Variants in MYO10 observed in about 807,000 individuals in gnomAD.
The protein encoded by MYO10 is unconventional myosin-X.
Under a neutral mutation model 257.3 loss-of-function variants are expected in MYO10, and 133 were observed. That is an observed-to-expected ratio of 0.52 (90% confidence interval 0.45 to 0.60). MYO10 has a LOEUF of 0.60. Among genes scored for constraint, MYO10 ranks in the 20% least tolerant of loss-of-function variants. The pLI is 0.00. For missense variants in MYO10, 2,399 were observed against 2,635.7 expected, an observed-to-expected ratio of 0.91 and a Z score of 1.97; for synonymous variants, 1,104 against 1,028.6, an observed-to-expected ratio of 1.07 and a Z score of -1.40.
intron 19 of MYO10, among the ~76,000 whole-genome samples, chr5:16,746,615 T>G (rs6877929): frequency 0.014 from 2,102 of 152,264 alleles, 39 homozygotes; most frequent in African/African-American, 0.047. Context: ...AATATCACAC[T>G]ACAGATTTAC....
At chr5:16,870,647 C>A (rs950358227) in intron 2 of MYO10, among the ~76,000 whole-genome samples, 2 of 152,142 alleles carry the variant, frequency 1.3e-5, no homozygotes, top group Non-Finnish European at 2.9e-5. Context: ...AATCCCAGCA[C>A]TTTGGGTGGC....
At position 16,840,890 on chromosome 5, in the gene MYO10, C is replaced by CA. The variant is rs34241747; in HGVS notation, c.121-22724dup. ...GTGCAGTGCCTCACACCTGTAATCC[C>CA]AGCACTTTGGGAGGCCAAGGCAGGC... On this transcript the variant is annotated intron_variant, in intron 2 of 40. Coordinates refer to ENST00000513610, the MANE Select transcript of MYO10 (RefSeq NM_012334.3). Among the ~76,000 whole-genome samples, 1,129 of 152,018 alleles carry CA rather than the reference C, an allele frequency of 7.4e-3. 15 individuals carry two copies. Among genetic ancestry groups the CA allele is most frequent in the African/African-American group, 0.025 (1,057 of 41,472 alleles).
intron 1 of MYO10, among the ~76,000 whole-genome samples, chr5:16,881,980 T>C (rs1486618139): frequency 1.3e-5 from 2 of 152,182 alleles, no homozygotes; most frequent in African/African-American, 2.4e-5. Context: ...TATAAGCAGG[T>C]GGAACAAGTT....
rs1158206273 is a variant in MYO10, at chr5:16,763,447, T to C, written c.1494+34A>G. ...TATGAATCAGTCCAGCTGGACCCCC[T>C]TGGGACTGTAACCATTCTTCAAAAA... is the stretch of plus-strand genomic sequence containing the variant. On this transcript the variant is annotated intron_variant, in intron 14 of 40. Coordinates refer to ENST00000513610, the MANE Select transcript of MYO10 (RefSeq NM_012334.3). 1.2e-5 allele frequency: 18 copies of C among 1,547,658 alleles called. No homozygotes were observed. The East Asian group carries it at 3.8e-4, about 33-fold the overall frequency.
chr5:16,673,999 T>C (rs1052831982), intron 35 of MYO10, 110 bp from the exon 36 acceptor site: 15 of 887,838 alleles, frequency 1.7e-5, no homozygotes, highest in African/African-American at 8.3e-5. Flanking sequence ...GGTCCCCCAC[T>C]GGTGAATGGA....
At chr5:16,726,985 G>A (rs573035833) in intron 19 of MYO10, among the ~76,000 whole-genome samples, 15 of 152,304 alleles carry the variant, frequency 9.8e-5, no homozygotes, top group African/African-American at 2.6e-4. Context: ...AATCTCTTGA[G>A]TTAGAGAATA....
chr5:16,672,692 T>C lies in MYO10; in HGVS notation c.5306A>G (p.Glu1769Gly). 6.2e-7 allele frequency: 1 copy of C among 1,614,014 alleles called. No homozygotes were observed. The highest frequency in any genetic ancestry group is 8.5e-7 in the Non-Finnish European group (1 of 1,179,880). ...ACAGTAGGGAAAAGGAACCTACTTTTCAAACTTGGCTAAGACATCAGCTAC... is the reference window on the plus strand; with the variant it reads ...ACAGTAGGGAAAAGGAACCTACTTTCCAAACTTGGCTAAGACATCAGCTAC... ...TVVADVLAKF[E>G]KLAATSEVGD... Residue 1769 changes from glutamate to glycine, a missense_variant, in exon 37 of 41, where the codon GAA becomes GGA. By Grantham distance (98) the Glu-to-Gly change is moderately conservative. Coordinates refer to ENST00000513610, the MANE Select transcript of MYO10 (RefSeq NM_012334.3).
chr5:16,728,104 A>T (rs1739443192), intron 19 of MYO10, among the ~76,000 whole-genome samples: 1 of 152,194 alleles, frequency 6.6e-6, no homozygotes, highest in African/African-American at 2.4e-5. Flanking sequence ...CTCTAGGAAC[A>T]TAGGCCGCCC....
intron 2 of MYO10, among the ~76,000 whole-genome samples, chr5:16,871,095 T>C (rs1044626237): frequency 3.9e-5 from 6 of 152,176 alleles, no homozygotes; most frequent in African/African-American, 1.4e-4. Flanking sequence ...ACAATTACAG[T>C]GTTGTGCAAC....
chr5:16,854,606 T>C (rs1219211059), intron 2 of MYO10, among the ~76,000 whole-genome samples: 1 of 152,202 alleles, frequency 6.6e-6, no homozygotes, highest in Non-Finnish European at 1.5e-5. Context: ...TTTTAAATAA[T>C]GAAAATGTTT....
chr5:16,824,666 A>G (rs1001558130), intron 2 of MYO10, among the ~76,000 whole-genome samples: 5 of 152,192 alleles, frequency 3.3e-5, no homozygotes, highest in African/African-American at 1.2e-4. Flanking sequence ...CAAGAGATTG[A>G]GACCAACTTG....
At position 16,760,122 on chromosome 5, in the gene MYO10, C is replaced by T. The variant is rs575886828; in HGVS notation, c.1739+1342G>A. Reference sequence around the variant, plus strand: ...GAAAGCTTTCAGGAAAGGGTTTTTTCCCTAAACTCTTTCTCTCTTACAAAG... The same window carrying T: ...GAAAGCTTTCAGGAAAGGGTTTTTTTCCTAAACTCTTTCTCTCTTACAAAG... On this transcript the variant is annotated intron_variant, in intron 17 of 40. Coordinates refer to ENST00000513610, the MANE Select transcript of MYO10 (RefSeq NM_012334.3). Among the ~76,000 whole-genome samples the T allele has an allele frequency of 4.3e-4, 65 of 152,000 alleles. No homozygotes were observed. In the South Asian group the frequency reaches 0.012, roughly 29 times the overall value.
intron 2 of MYO10, among the ~76,000 whole-genome samples, chr5:16,852,837 T>C (rs1399189414): frequency 6.6e-6 from 1 of 152,134 alleles, no homozygotes; most frequent in Non-Finnish European, 1.5e-5. Flanking sequence ...ACCCAATAAA[T>C]GCTTGAATTA....
intron 2 of MYO10, among the ~76,000 whole-genome samples, chr5:16,834,006 C>A (rs1743234056): frequency 6.6e-6 from 1 of 152,104 alleles, no homozygotes; most frequent in South Asian, 2.1e-4. Context: ...AATGTGGTTT[C>A]TCTGCCAGGC....
rs1264085764 is a variant in MYO10 at position 16,783,320 on chromosome 5, A to G, written c.602+15T>C. On this transcript the variant is annotated intron_variant, in intron 5 of 40. Transcript: ENST00000513610. ...GTGAATCCTATTAGTTGGAAACAAG[A>G]AAATCAATAAATACCTGCTTTCAAG... is the stretch of plus-strand genomic sequence containing the variant. 2 of 1,526,624 alleles carry G rather than the reference A, an allele frequency of 1.3e-6. No individual in the cohort carries two copies. The highest frequency in any genetic ancestry group is 4.6e-5 in the East Asian group (2 of 43,390). 94.6% of individuals were successfully genotyped at this position (1,526,624 alleles called of 1,614,324 possible).
intron 2 of MYO10, among the ~76,000 whole-genome samples, chr5:16,833,627 A>G (rs1743222169): frequency 6.6e-6 from 1 of 152,190 alleles, no homozygotes; most frequent in African/African-American, 2.4e-5. Context: ...AGGATTGACT[A>G]GAATCTTTCC....
intron 1 of MYO10, among the ~76,000 whole-genome samples, chr5:16,928,949 G>GTT (rs962727329): frequency 6.9e-6 from 1 of 144,674 alleles, no homozygotes; most frequent in African/African-American, 2.5e-5. Context: ...TTAGTGGCAT[G>GTT]TTTTTTTTTT....
chr5:16,812,891 A>G (rs1007251676), intron 3 of MYO10, among the ~76,000 whole-genome samples: 1 of 152,102 alleles, frequency 6.6e-6, no homozygotes, highest in African/African-American at 2.4e-5. Flanking sequence ...AGAAAAGGGA[A>G]GATCAACTCT....
In MYO10 at chr5:16,673,997, A is replaced by G; in HGVS notation, c.4965-108T>C. On this transcript the variant is annotated intron_variant, in intron 35 of 40. Transcript: ENST00000513610. ...AGACCAAAGCAGTGAATGGTCCCCC[A>G]CTGGTGAATGGAGCAAGCACCAGTG... 7.7e-6 allele frequency: 7 copies of G among 907,880 alleles called. No individual in the cohort carries two copies. The South Asian group carries it at 1.0e-4, about 14-fold the overall frequency. The allele number at this position is 907,880 out of a possible 1,614,324, so 56.2% of individuals were successfully genotyped here.
Sources: gnomAD v4.1 joint callset for allele counts (sites outside exome capture counted in the v4.1 genomes callset) on GRCh38, gnomAD v4.1.1 for gene constraint, MANE v1.5 for transcripts, NCBI Gene and HGNC (gene_info 2026-07-23, HGNC 2026-07-21) for gene names.